The following MYH11 variants were observed in gnomAD, a reference collection of about 807,000 sequenced individuals.
The protein encoded by MYH11 is myosin-11.
MYH11 carries 80 observed loss-of-function variants against 246.6 expected under a neutral mutation model. That is an observed-to-expected ratio of 0.32 (90% CI 0.27 to 0.39). The LOEUF (loss-of-function observed/expected upper bound fraction) is 0.39. MYH11 is among the 10% of genes least tolerant of loss of function. The pLI is 1.00. For missense variants in MYH11, 2,158 were observed against 2,546.8 expected (o/e 0.85, Z 3.29); for synonymous variants, 1,071 against 1,015.5 (o/e 1.05, Z -1.04).
At position 15,835,060 on chromosome 16, in the gene MYH11, G is replaced by C. The variant is rs564197709; in HGVS notation, c.345+2848C>G. On this transcript the variant is annotated intron_variant, in intron 2 of 40. Transcript: ENST00000300036. ...AGAACCACTGCACTCCAGCCTCAAA[G>C]ACAGAGTAAGCCCCCATCTCAAAAA... 2.8e-5 allele frequency among the ~76,000 whole-genome samples: 4 copies of C among 143,634 alleles called. No individual in the cohort carries two copies. In the South Asian group the frequency reaches 6.6e-4, roughly 24 times the overall value. 94.2% of individuals were successfully genotyped at this position (143,634 alleles called of 152,430 possible). A position where few individuals can be genotyped will look rare whatever the true frequency, so the allele number is the denominator to read the frequency against.
intron 2 of MYH11, among the ~76,000 whole-genome samples, chr16:15,833,381 G>GGA (rs1555458565): frequency 1.5e-5 from 2 of 136,750 alleles, no homozygotes; most frequent in African/African-American, 5.6e-5. Flanking sequence ...GGGAGGGAGG[G>GGA]AGGGAGGAAG....
chr16:15,823,579 G>A lies in MYH11; in HGVS notation c.346-168C>T, dbSNP rs182179981. Among the ~76,000 whole-genome samples, 159 of 152,260 alleles carry A rather than the reference G, an allele frequency of 1.0e-3. 1 individual carries two copies. The highest frequency in any genetic ancestry group is 3.8e-3 in the African/African-American group (156 of 41,550). Reference sequence around the variant, plus strand: ...GGTACGTGGGAAGAGGAGAAAGGGCGAGAGTGGGTTTCCAAGCTGCCTATG... The same window carrying A: ...GGTACGTGGGAAGAGGAGAAAGGGCAAGAGTGGGTTTCCAAGCTGCCTATG... On this transcript the variant is annotated intron_variant, in intron 2 of 40. Transcript: ENST00000300036.
chr16:15,724,526 A>C (rs1327724526), intron 30 of MYH11, 117 bp from the exon 31 acceptor site: 1 of 1,606,656 alleles, frequency 6.2e-7, no homozygotes, highest in Non-Finnish European at 8.5e-7. Flanking sequence ...ACCCAATAGC[A>C]GGGGAAGCTG....
At chr16:15,728,276 G>A (rs1438411904) in intron 27 of MYH11, among the ~76,000 whole-genome samples, 2 of 152,100 alleles carry the variant, frequency 1.3e-5, no homozygotes, top group Non-Finnish European at 2.9e-5. Context: ...TGTGGTGGTG[G>A]TAGTTACACA....
intron 3 of MYH11, among the ~76,000 whole-genome samples, chr16:15,821,895 G>T (rs531409932): frequency 1.8e-5 from 2 of 113,226 alleles, no homozygotes; most frequent in Non-Finnish European, 3.9e-5. Flanking sequence ...TCCGCAGTCC[G>T]GCCTGGGCGA....
intron 3 of MYH11, among the ~76,000 whole-genome samples, chr16:15,819,126 T>C (rs12926894): frequency 0.28 from 42,183 of 152,022 alleles, 6,091 homozygotes; most frequent in African/African-American, 0.36. Flanking sequence ...CCTCCTGCCT[T>C]GGCCTCCCAA....
At chr16:15,712,446 A>C (rs537375900) in intron 40 of MYH11, among the ~76,000 whole-genome samples, 1 of 151,868 alleles carries the variant, frequency 6.6e-6, no homozygotes, top group African/African-American at 2.4e-5. Context: ...TCAGGAGTTC[A>C]AGACCAGCCT....
chr16:15,809,510 C>A (rs1317964302), intron 3 of MYH11, among the ~76,000 whole-genome samples: 2 of 151,918 alleles, frequency 1.3e-5, no homozygotes, highest in Non-Finnish European at 2.9e-5. Flanking sequence ...CCAGCCTGGG[C>A]AACAGGGCAA....
intron 3 of MYH11, among the ~76,000 whole-genome samples, chr16:15,808,050 AATCAAAACCCGTCTCTGCAGGGCC>A (rs1349615080): frequency 6.6e-6 from 1 of 152,174 alleles, no homozygotes; most frequent in African/African-American, 2.4e-5. Flanking sequence ...AGTGAGAGGT[AATCAAAACCCGTCTCTGCAGGGCC>A]ATCAATACCC....
intron 27 of MYH11, among the ~76,000 whole-genome samples, chr16:15,732,192 A>C (rs1337069179): frequency 6.6e-6 from 1 of 151,934 alleles, no homozygotes; most frequent in Non-Finnish European, 1.5e-5. Flanking sequence ...CGAACTCCTG[A>C]CCTCAGGTGA....
In MYH11 at chr16:15,741,637, C is replaced by G. The variant is rs1363506426; in HGVS notation, c.2685G>C (p.Gln895His). Reference protein sequence around the residue: ...LTEEKNLLQEQLQAETELYAE... With the variant: ...LTEEKNLLQEHLQAETELYAE... ...CATACAGCTCTGTCTCTGCCTGCAGCTGTTCCTGTAGCAGGTTCTTCTCCT... is the reference window on the plus strand; with the variant it reads ...CATACAGCTCTGTCTCTGCCTGCAGGTGTTCCTGTAGCAGGTTCTTCTCCT... Residue 895 changes from glutamine to histidine, a missense_variant, in exon 22 of 41, where the codon CAG becomes CAC. Transcript: ENST00000300036. 1 of 1,613,528 alleles carries G rather than the reference C, an allele frequency of 6.2e-7. No homozygotes were observed. Among genetic ancestry groups the G allele is most frequent in the Admixed American group, 1.7e-5 (1 of 60,028 alleles).
At chr16:15,791,927 GC>G (rs2042619688) in intron 4 of MYH11, 2 of 152,038 alleles carry the variant, frequency 1.3e-5, no homozygotes, top group South Asian at 2.1e-4. Flanking sequence ...TCTAGCCTCA[GC>G]CTCCCAAAGT....
intron 6 of MYH11, 84 bp downstream of exon 6, chr16:15,782,301 C>T: frequency 1.7e-6 from 2 of 1,198,368 alleles, no homozygotes; most frequent in Non-Finnish European, 2.5e-6. Flanking sequence ...GCCCCTCCCA[C>T]CTCTGCACGC....
At chr16:15,764,178 A>G (rs970694608) in intron 9 of MYH11, among the ~76,000 whole-genome samples, 1 of 152,280 alleles carries the variant, frequency 6.6e-6, no homozygotes, top group South Asian at 2.1e-4. Context: ...TCATTTACAT[A>G]TTGTCTGTAA....
intron 27 of MYH11, among the ~76,000 whole-genome samples, chr16:15,729,536 C>T (rs866245651): frequency 7.4e-6 from 1 of 135,302 alleles, no homozygotes; most frequent in African/African-American, 2.7e-5. Context: ...TGGGGCCTCA[C>T]TCTTCCAACC....
rs558517270 is a variant in MYH11 at position 15,716,014 on chromosome 16, C to T, written c.5505-742G>A. Among the ~76,000 whole-genome samples, 7 of 152,238 alleles carry T rather than the reference C, an allele frequency of 4.6e-5. No individual in the cohort carries two copies. In the East Asian group the frequency reaches 1.4e-3, roughly 29 times the overall value. On this transcript the variant is annotated intron_variant, in intron 38 of 40. Coordinates refer to ENST00000300036, the MANE Select transcript of MYH11 (RefSeq NM_002474.3). Reference sequence around the variant, plus strand: ...CAGTGGTGTGCACCTGTAGTCCCAGCTACTTGGGAGGGTGAGGCGGAGGTT... The same window carrying T: ...CAGTGGTGTGCACCTGTAGTCCCAGTTACTTGGGAGGGTGAGGCGGAGGTT...
intron 34 of MYH11, among the ~76,000 whole-genome samples, 160 bp downstream of exon 34, chr16:15,719,991 A>G (rs1234463246): frequency 6.6e-6 from 1 of 152,108 alleles, no homozygotes; most frequent in Non-Finnish European, 1.5e-5. Flanking sequence ...AGGGCAGGAG[A>G]CAGCCACCAA....
intron 15 of MYH11, among the ~76,000 whole-genome samples, chr16:15,751,470 T>G (rs1280599430): frequency 6.6e-6 from 1 of 151,514 alleles, no homozygotes; most frequent in African/African-American, 2.4e-5. Context: ...GCCATCATCA[T>G]CATCATCATC....
At chr16:15,737,412 T>G (rs2041150503) in intron 25 of MYH11, 37 bp downstream of exon 25, 6 of 1,606,378 alleles carry the variant, frequency 3.7e-6, no homozygotes, top group Non-Finnish European at 5.1e-6. Context: ...AGGGGATACA[T>G]GGACACACAG....
Sources: allele counts gnomAD v4.1 joint callset (sites outside exome capture counted in the v4.1 genomes callset), GRCh38; gene constraint gnomAD v4.1.1; transcripts MANE v1.5; gene names NCBI Gene and HGNC (gene_info 2026-07-23, HGNC 2026-07-21).